Variants in AGAP1 observed in about 807,000 individuals in gnomAD.
AGAP1 encodes the protein arf-GAP with GTPase, ANK repeat and PH domain-containing protein 1.
AGAP1 carries 29 observed loss-of-function variants against 105.3 expected under a neutral mutation model. That is an observed-to-expected ratio of 0.28 (90% CI 0.21 to 0.38). The LOEUF is 0.38. Among genes scored for constraint, AGAP1 ranks in the 10% least tolerant of loss-of-function variants. The pLI, the probability that AGAP1 is intolerant of heterozygous loss-of-function variation, is 1.00. For missense variants in AGAP1, 998 were observed against 1,165.1 expected (o/e 0.86, Z 2.09); for synonymous variants, 509 against 485.9 (o/e 1.05, Z -0.63).
intron 11 of AGAP1, among the ~76,000 whole-genome samples, chr2:235,910,392 A>G (rs1406420307): frequency 6.7e-6 from 1 of 149,364 alleles, no homozygotes; most frequent in Non-Finnish European, 1.5e-5. Context: ...ATGCTAAAGG[A>G]GTCTTTAGTG....
chr2:235,573,797 T>G (rs992939910), intron 1 of AGAP1, among the ~76,000 whole-genome samples: 3 of 152,194 alleles, frequency 2.0e-5, no homozygotes, highest in African/African-American at 7.2e-5. Flanking sequence ...CTGGTCAGGA[T>G]AGCTGTTACC....
rs918638754 is a variant in AGAP1, at chr2:236,001,889, A to C, written c.1645+33266A>C. 6.6e-6 allele frequency among the ~76,000 whole-genome samples: 1 copy of C among 152,162 alleles called. No individual in the cohort carries two copies. Among genetic ancestry groups the C allele is most frequent in the Non-Finnish European group, 1.5e-5 (1 of 68,032 alleles). On this transcript the variant is annotated intron_variant, in intron 13 of 17. Transcript: ENST00000304032. The surrounding 1 kb of genome is among the most constrained non-coding windows in gnomAD (Gnocchi z 4.7). ...AATTGCCTCAGCAGTTTTTTTAACA[A>C]TTACCAGTAATACTTCCCTGAACAT...
chr2:236,051,355 C>T lies in AGAP1; in HGVS notation c.2114+2074C>T, dbSNP rs1475644804. On this transcript the variant is annotated intron_variant, in intron 16 of 17. Coordinates refer to ENST00000304032, the MANE Select transcript of AGAP1 (RefSeq NM_001037131.3). The surrounding 1 kb of genome is among the most constrained non-coding windows in gnomAD (Gnocchi z 5.9). ...CAACGGTGAGTGATGATTGCAGTTC[C>T]CTGGTGATTGGTGAAGGCTCTCAGG... 6.6e-6 allele frequency among the ~76,000 whole-genome samples: 1 copy of T among 152,176 alleles called. No individual in the cohort carries two copies. Among genetic ancestry groups the T allele is most frequent in the Admixed American group, 6.5e-5 (1 of 15,282 alleles).
rs1559350564 is a variant in AGAP1, at chr2:235,686,632, TATATATATATATAG to T, written c.164-22533_164-22520del. Among the ~76,000 whole-genome samples the T allele has an allele frequency of 5.8e-3, 292 of 50,682 alleles. 8 individuals carry two copies. The highest frequency in any genetic ancestry group is 0.022 in the African/African-American group (222 of 10,038). The allele number at this position is 50,682 out of a possible 152,430, so 33.2% of individuals were successfully genotyped here. ...ACGTGGAGATATAGATATATATATATATATATATATATAGATATATATATATATATATATTTTTT... is the reference window on the plus strand; with the variant it reads ...ACGTGGAGATATAGATATATATATATATATATATATATATATATATTTTTT... On this transcript the variant is annotated intron_variant, in intron 1 of 17. Transcript: ENST00000304032.
chr2:235,941,688 G>T (rs184711548), intron 12 of AGAP1, among the ~76,000 whole-genome samples: 48 of 152,202 alleles, frequency 3.2e-4, no homozygotes, highest in Non-Finnish European at 5.1e-4. Context: ...GCGCTTTATC[G>T]TATGCAGTGG....
chr2:235,786,901 G>T (rs1956675194), intron 6 of AGAP1, among the ~76,000 whole-genome samples: 1 of 152,172 alleles, frequency 6.6e-6, no homozygotes, highest in South Asian at 2.1e-4. Context: ...GGTCCTCCTG[G>T]CCCTGCCACT....
intron 1 of AGAP1, among the ~76,000 whole-genome samples, chr2:235,584,698 T>C (rs1250729051): frequency 6.6e-6 from 1 of 151,928 alleles, no homozygotes; most frequent in Non-Finnish European, 1.5e-5. Flanking sequence ...GGGAATACAT[T>C]TCTGCTGTTT....
chr2:236,120,527 C>T lies in AGAP1; in HGVS notation c.2370+80C>T. On this transcript the variant is annotated intron_variant, in intron 17 of 17. Coordinates refer to ENST00000304032, the MANE Select transcript of AGAP1 (RefSeq NM_001037131.3). The surrounding 1 kb of genome is among the most constrained non-coding windows in gnomAD (Gnocchi z 6.0). ...TTGTTCTGCTTCCGTGGGCATCTTTCTGGCAGAAGGCTGTTGTTCTCGATC... is the reference window on the plus strand; with the variant it reads ...TTGTTCTGCTTCCGTGGGCATCTTTTTGGCAGAAGGCTGTTGTTCTCGATC... The T allele has an allele frequency of 6.3e-7, 1 of 1,578,804 alleles. No homozygotes were observed. The highest frequency in any genetic ancestry group is 1.3e-5 in the African/African-American group (1 of 74,258).
chr2:235,638,946 G>A (rs767307813), intron 1 of AGAP1, among the ~76,000 whole-genome samples: 7 of 152,122 alleles, frequency 4.6e-5, no homozygotes, highest in Non-Finnish European at 8.8e-5. Flanking sequence ...TTCCAGTTGC[G>A]GTGACCAAAA....
rs1330309176 is a variant in AGAP1 at position 236,038,870 on chromosome 2, A to G, written c.1801-1881A>G. ...GTGTGATCACACACTTGCATTCCAG[A>G]TGCCAGTGTAAACTGTTTAAACATA... On this transcript the variant is annotated intron_variant, in intron 14 of 17. Coordinates refer to ENST00000304032, the MANE Select transcript of AGAP1 (RefSeq NM_001037131.3). The surrounding 1 kb of genome is among the most constrained non-coding windows in gnomAD (Gnocchi z 4.5). Among the ~76,000 whole-genome samples the G allele has an allele frequency of 6.6e-6, 1 of 151,994 alleles. No homozygotes were observed. The highest frequency in any genetic ancestry group is 1.9e-4 in the East Asian group (1 of 5,182).
intron 1 of AGAP1, among the ~76,000 whole-genome samples, chr2:235,520,806 C>G (rs1266239303): frequency 6.6e-6 from 1 of 152,102 alleles, no homozygotes; most frequent in African/African-American, 2.4e-5. Context: ...TTAAAATTGA[C>G]TAATTAGTTT....
At chr2:235,870,044 T>C (rs779567817) in intron 9 of AGAP1, among the ~76,000 whole-genome samples, 2 of 152,196 alleles carry the variant, frequency 1.3e-5, no homozygotes, top group African/African-American at 2.4e-5. Flanking sequence ...ACACAGGATA[T>C]GAGCACCACG....
At chr2:235,703,759 G>A (rs990619517) in intron 1 of AGAP1, among the ~76,000 whole-genome samples, 10 of 152,050 alleles carry the variant, frequency 6.6e-5, no homozygotes, top group African/African-American at 2.4e-4. Context: ...ACCATGCCCG[G>A]CTAATTTTTG....
At chr2:235,921,528 A>G (rs369720757) in intron 11 of AGAP1, among the ~76,000 whole-genome samples, 1 of 152,196 alleles carries the variant, frequency 6.6e-6, no homozygotes, top group African/African-American at 2.4e-5. Flanking sequence ...AGAAAGCAGC[A>G]TACAATGAGC....
intron 1 of AGAP1, among the ~76,000 whole-genome samples, chr2:235,538,106 G>C (rs757958106): frequency 6.6e-6 from 1 of 152,164 alleles, no homozygotes; most frequent in Non-Finnish European, 1.5e-5. Flanking sequence ...TAAATTCAGA[G>C]AACCACTATG....
At chr2:235,779,895 A>G (rs1575438821) in intron 6 of AGAP1, among the ~76,000 whole-genome samples, 1 of 152,370 alleles carries the variant, frequency 6.6e-6, no homozygotes, top group East Asian at 1.9e-4. Flanking sequence ...GGGCAGCAGC[A>G]GCAAAATCCT....
intron 16 of AGAP1, among the ~76,000 whole-genome samples, chr2:236,086,493 A>G (rs922227518): frequency 6.6e-6 from 1 of 152,254 alleles, no homozygotes; most frequent in Non-Finnish European, 1.5e-5. Flanking sequence ...TTCAGAAACT[A>G]AAAGAAATAC....
At position 236,061,226 on chromosome 2, in the gene AGAP1, G is replaced by A. The variant is rs369355150; in HGVS notation, c.2114+11945G>A. ...GCCCCCACCGCACGTGCTCTTGGAC[G>A]GTCGTGGCAAGTGTTGGTGAGGAAC... On this transcript the variant is annotated intron_variant, in intron 16 of 17. Transcript: ENST00000304032. The surrounding 1 kb of genome is among the most constrained non-coding windows in gnomAD (Gnocchi z 4.1). Among the ~76,000 whole-genome samples the A allele has an allele frequency of 6.6e-6, 1 of 152,144 alleles. No individual in the cohort carries two copies. The highest frequency in any genetic ancestry group is 1.5e-5 in the Non-Finnish European group (1 of 68,040).
chr2:235,912,954 T>C lies in AGAP1; in HGVS notation c.1324+4048T>C, dbSNP rs932649614. On this transcript the variant is annotated intron_variant, in intron 11 of 17. Transcript: ENST00000304032. Reference sequence around the variant, plus strand: ...TGTAATTAATTGTTTAGGTGTATCCTTTGCCCATTTTTGCACTAGGTTCTT... The same window carrying C: ...TGTAATTAATTGTTTAGGTGTATCCCTTGCCCATTTTTGCACTAGGTTCTT... Among the ~76,000 whole-genome samples the C allele has an allele frequency of 6.6e-5, 10 of 152,226 alleles. No homozygotes were observed. The South Asian group carries it at 2.1e-3, about 32-fold the overall frequency.
Sources: allele counts gnomAD v4.1 joint callset (sites outside exome capture counted in the v4.1 genomes callset), GRCh38; gene constraint gnomAD v4.1.1; non-coding constraint Gnocchi (gnomAD v3.1); transcripts MANE v1.5; gene names NCBI Gene and HGNC (gene_info 2026-07-23, HGNC 2026-07-21).